The following GNAQ variants were observed in gnomAD, a reference collection of about 807,000 sequenced individuals.
GNAQ encodes the protein guanine nucleotide-binding protein G(q) subunit alpha.
A neutral mutation model predicts 43.9 loss-of-function variants in GNAQ; 8 were observed. The ratio of observed to expected loss-of-function variants is 0.18; its 90% CI spans 0.11 to 0.33. The LOEUF (loss-of-function observed/expected upper bound fraction) is 0.33, where lower values mean the gene tolerates loss of function less well. Ranked by LOEUF, GNAQ falls within the 10% of genes least tolerant of loss-of-function variation. The pLI is 1.00. For missense variants in GNAQ, 158 were observed against 450.8 expected (o/e 0.35, Z 5.88); for synonymous variants, 155 against 170.7 (o/e 0.91, Z 0.71).
chr9:77,743,753 A>G lies in GNAQ; in HGVS notation c.736-15086T>C, dbSNP rs76432508. Among the ~76,000 whole-genome samples the G allele has an allele frequency of 5.1e-3, 779 of 152,278 alleles. 8 individuals carry two copies. Among genetic ancestry groups the G allele is most frequent in the African/African-American group, 0.018 (744 of 41,552 alleles). ...AGCTGTACGGTTTTATTCAACTACA[A>G]AAACATCTGAAATTCCCCAAACTGT... On this transcript the variant is annotated intron_variant, in intron 5 of 6. Transcript: ENST00000286548.
At chr9:77,758,857 CAAAT>C (rs1825944668) in intron 5 of GNAQ, among the ~76,000 whole-genome samples, 1 of 151,806 alleles carries the variant, frequency 6.6e-6, no homozygotes, top group African/African-American at 2.4e-5. Flanking sequence ...CAAATGTACA[CAAAT>C]AAGTACAAAT....
At position 78,031,384 on chromosome 9, in the gene GNAQ, C is replaced by T. The variant is rs1824058037; in HGVS notation, c.-149G>A. On this transcript the variant is annotated 5_prime_UTR_variant, in exon 1 of 7. Transcript: ENST00000286548. Reference sequence around the variant, plus strand: ...GTCCGGGACGAGCTCCGGGAACCGCCGCGGGGGCGGCGGCCAGGGCCGGGG... The same window carrying T: ...GTCCGGGACGAGCTCCGGGAACCGCTGCGGGGGCGGCGGCCAGGGCCGGGG... 1 of 394,398 alleles carries T rather than the reference C, an allele frequency of 2.5e-6. No individual in the cohort carries two copies. Among genetic ancestry groups the T allele is most frequent in the African/African-American group, 2.2e-5 (1 of 45,542 alleles). The allele number at this position is 394,398 out of a possible 1,614,324, so 24.4% of individuals were successfully genotyped here.
At chr9:78,006,482 C>T (rs1823707606) in intron 1 of GNAQ, among the ~76,000 whole-genome samples, 1 of 152,112 alleles carries the variant, frequency 6.6e-6, no homozygotes, top group African/African-American at 2.4e-5. Flanking sequence ...TTGCTTTCCC[C>T]ACTGTTCTCA....
At chr9:77,925,465 C>T (rs1206525387) in intron 1 of GNAQ, among the ~76,000 whole-genome samples, 2 of 152,132 alleles carry the variant, frequency 1.3e-5, no homozygotes, top group African/African-American at 2.4e-5. Context: ...TTAAAAATAT[C>T]TCATCTGGGC....
chr9:78,026,065 TTTC>T (rs1322252063), intron 1 of GNAQ, among the ~76,000 whole-genome samples: 3 of 152,182 alleles, frequency 2.0e-5, no homozygotes, highest in East Asian at 1.9e-4. Flanking sequence ...CTGAGATGGT[TTTC>T]TTTTTTAATG....
intron 2 of GNAQ, among the ~76,000 whole-genome samples, chr9:77,920,931 T>G (rs903216474): frequency 1.2e-4 from 18 of 152,212 alleles, no homozygotes; most frequent in Admixed American, 3.3e-4. Flanking sequence ...CAGAATTGCC[T>G]TATTTTAGCA....
At chr9:77,855,999 C>T (rs867479584) in intron 2 of GNAQ, among the ~76,000 whole-genome samples, 2 of 152,178 alleles carry the variant, frequency 1.3e-5, no homozygotes, top group Admixed American at 6.6e-5. Flanking sequence ...TATAGCTAAA[C>T]TGCTGACATT....
intron 2 of GNAQ, 120 bp from the exon 3 acceptor site, chr9:77,815,890 G>A: frequency 1.8e-6 from 1 of 566,574 alleles, no homozygotes; most frequent in African/African-American, 1.9e-5. Context: ...TCTTTACACT[G>A]GTTTACAATA....
At chr9:77,724,353 A>G (rs1233925145) in intron 6 of GNAQ, among the ~76,000 whole-genome samples, 3 of 152,004 alleles carry the variant, frequency 2.0e-5, no homozygotes, top group Admixed American at 2.0e-4. Flanking sequence ...CACCATGCCC[A>G]GCTAATTTTT....
chr9:77,849,936 C>T (rs1827646042), intron 2 of GNAQ, among the ~76,000 whole-genome samples: 1 of 152,196 alleles, frequency 6.6e-6, no homozygotes, highest in Admixed American at 6.5e-5. Flanking sequence ...GTCACCTTGC[C>T]CAGCCCTTGA....
chr9:77,896,769 C>A (rs1408386289), intron 2 of GNAQ, among the ~76,000 whole-genome samples: 1 of 152,224 alleles, frequency 6.6e-6, no homozygotes, highest in Non-Finnish European at 1.5e-5. Flanking sequence ...TCAATGAAGG[C>A]ACTAGCTCAA....
chr9:78,023,955 C>A (rs576534269), intron 1 of GNAQ, among the ~76,000 whole-genome samples: 1 of 152,234 alleles, frequency 6.6e-6, no homozygotes, highest in African/African-American at 2.4e-5. Context: ...TATATACACA[C>A]ACACACACTA....
chr9:77,925,519 T>A (rs1829058689), intron 1 of GNAQ, among the ~76,000 whole-genome samples: 1 of 152,136 alleles, frequency 6.6e-6, no homozygotes, highest in Non-Finnish European at 1.5e-5. Context: ...AATTTTGAAT[T>A]TCTGAATGTT....
At chr9:77,789,494 T>G (rs1475869493) in intron 5 of GNAQ, among the ~76,000 whole-genome samples, 1 of 152,098 alleles carries the variant, frequency 6.6e-6, no homozygotes, top group Admixed American at 6.5e-5. Context: ...TATTTTACCT[T>G]AAAAAAAGTA....
intron 5 of GNAQ, among the ~76,000 whole-genome samples, chr9:77,760,730 C>G (rs1187431140): frequency 6.6e-6 from 1 of 151,984 alleles, no homozygotes; most frequent in Non-Finnish European, 1.5e-5. Flanking sequence ...AGGAGCGTCT[C>G]TGCCCGGCCG....
chr9:77,803,179 C>A (rs966750681), intron 3 of GNAQ, among the ~76,000 whole-genome samples: 1 of 152,114 alleles, frequency 6.6e-6, no homozygotes, highest in Admixed American at 6.5e-5. Context: ...TCCATCCTTA[C>A]GAAATTACTT....
Position 77,762,619 on chromosome 9 carries a change from G to A in GNAQ, c.735+31844C>T, listed in dbSNP as rs1034679372. Among the ~76,000 whole-genome samples the A allele has an allele frequency of 6.6e-5, 10 of 151,164 alleles. No homozygotes were observed. The South Asian group carries it at 1.1e-3, about 16-fold the overall frequency. On this transcript the variant is annotated intron_variant, in intron 5 of 6. Transcript: ENST00000286548. ...GTGTGACCAACAGCCCATTGAGAACGGGCCATGATGACAATGGTGGTTTTG... is the reference window on the plus strand; with the variant it reads ...GTGTGACCAACAGCCCATTGAGAACAGGCCATGATGACAATGGTGGTTTTG...
Position 77,817,132 on chromosome 9 carries a change from C to T in GNAQ, c.322-1362G>A, listed in dbSNP as rs1010564565. ...ACCCACAATCTTACCAGCCTGGAGT[C>T]CTGTTCCTGAATCCCACGCCAGGTG... On this transcript the variant is annotated intron_variant, in intron 2 of 6. Transcript: ENST00000286548. Among the ~76,000 whole-genome samples, 7 of 152,280 alleles carry T rather than the reference C, an allele frequency of 4.6e-5. No homozygotes were observed. The South Asian group carries it at 1.4e-3, about 32-fold the overall frequency.
intron 1 of GNAQ, among the ~76,000 whole-genome samples, chr9:77,929,682 A>C (rs1829120549): frequency 6.6e-6 from 1 of 152,010 alleles, no homozygotes; most frequent in African/African-American, 2.4e-5. Context: ...AATACAAAAA[A>C]AAATTAGCCC....
Sources: gnomAD v4.1 joint callset for allele counts (sites outside exome capture counted in the v4.1 genomes callset) on GRCh38, gnomAD v4.1.1 for gene constraint, MANE v1.5 for transcripts, NCBI Gene and HGNC (gene_info 2026-07-23, HGNC 2026-07-21) for gene names.